F11: variants seen among roughly 807,000 people sequenced by gnomAD.
F11 encodes the protein coagualtion factor XI.
A neutral mutation model predicts 76.5 loss-of-function variants in F11; 78 were observed. That is an observed-to-expected ratio of 1.02 (90% CI 0.85 to 1.23). The LOEUF (loss-of-function observed/expected upper bound fraction) is 1.23. F11 is among the 50% of genes most tolerant of loss of function. The pLI is 0.00. For missense variants in F11, 742 were observed against 771.4 expected (o/e 0.96, Z 0.45); for synonymous variants, 278 against 276.3 (o/e 1.01, Z -0.06).
chr4:186,289,682 ATTTTT>A (rs11444909), downstream of F11, among the ~76,000 whole-genome samples: 2 of 137,738 alleles, frequency 1.5e-5, no homozygotes. Context: ...ATCAAGTGTG[ATTTTT>A]TTTTTTTTTT....
intron 3 of F11, among the ~76,000 whole-genome samples, chr4:186,272,550 C>T (rs547688157): frequency 7.2e-5 from 11 of 152,284 alleles, no homozygotes; most frequent in African/African-American, 2.4e-4. Flanking sequence ...ATTAAGTTTT[C>T]AACATCTTTA....
At chr4:186,272,967 T>A (rs991819511) in intron 3 of F11, 104 bp from the exon 4 acceptor site, 1 of 731,986 alleles carries the variant, frequency 1.4e-6, no homozygotes, top group Non-Finnish European at 2.4e-6. Flanking sequence ...TGAGATAAAG[T>A]AGTTTGTTTC....
Position 186,286,493 on chromosome 4 carries a change from G to C in F11, c.1559G>C (p.Gly520Ala), listed in dbSNP as rs796615398. 2 of 1,613,774 alleles carry C rather than the reference G, an allele frequency of 1.2e-6. No individual in the cohort carries two copies. Among genetic ancestry groups the C allele is most frequent in the East Asian group, 2.2e-5 (1 of 44,854 alleles). ...ACTGATTGCTGGGTGACTGGATGGGGGTACAGAAAACTAAGAGGTAAAAAT... is the reference window on the plus strand; with the variant it reads ...ACTGATTGCTGGGTGACTGGATGGGCGTACAGAAAACTAAGAGGTAAAAAT... ...IYTDCWVTGWGYRKLRDKIQN... is the reference protein window; with the variant it reads ...IYTDCWVTGWAYRKLRDKIQN... The change falls in exon 13 of 15, where the codon GGG becomes GCG. Residue 520 changes from glycine (G) to alanine (A), a missense_variant. Physicochemically the swap from Gly to Ala is moderately conservative, Grantham distance 60. Transcript: ENST00000403665.
intron 13 of F11, among the ~76,000 whole-genome samples, chr4:186,287,026 T>G (rs1022369863): frequency 6.6e-6 from 1 of 152,008 alleles, no homozygotes; most frequent in African/African-American, 2.4e-5. Flanking sequence ...CAGGCTGGAG[T>G]GCAGTGGCAC....
At chr4:186,281,273 ATT>A (rs1740783242) in intron 10 of F11, among the ~76,000 whole-genome samples, 1 of 152,196 alleles carries the variant, frequency 6.6e-6, no homozygotes, top group Non-Finnish European at 1.5e-5. Flanking sequence ...GGTTAGTCAA[ATT>A]ACTAATTTTC....
At chr4:186,268,721 A>C in intron 2 of F11, among the ~76,000 whole-genome samples, 1 of 152,218 alleles carries the variant, frequency 6.6e-6, no homozygotes, top group Non-Finnish European at 1.5e-5. Flanking sequence ...AGATGAAATC[A>C]CAATGGTAAT....
chr4:186,266,372 A>T (rs535271421), intron 1 of F11, 77 bp downstream of exon 1: 1 of 152,196 alleles, frequency 6.6e-6, no homozygotes, highest in Non-Finnish European at 1.5e-5. Flanking sequence ...AATCATAGGA[A>T]TTTAAAAACA....
chr4:186,272,495 T>C (rs1740054363), intron 3 of F11, among the ~76,000 whole-genome samples: 1 of 152,228 alleles, frequency 6.6e-6, no homozygotes, highest in Admixed American at 6.5e-5. Flanking sequence ...ACCATTTGTA[T>C]TCCCATCCTG....
intron 7 of F11, among the ~76,000 whole-genome samples, chr4:186,277,086 C>T (rs1740445288): frequency 6.6e-6 from 1 of 152,110 alleles, no homozygotes; most frequent in Admixed American, 6.5e-5. Context: ...TCTCCAATAG[C>T]TTTCATTCCA....
rs1445704703 is a variant in F11 at position 186,280,042 on chromosome 4, T to C, written c.786T>C (p.Ser262=). ...TTTGTCTCCTTAAAACATCTGAGAG[T>C]GGATTGCCCAGTACACGCATTAAAA... is the stretch of plus-strand genomic sequence containing the variant. ...RNLCLLKTSE[S]GLPSTRIKKS... Residue 262 remains serine (S), a synonymous_variant, in exon 8 of 15, where the codon AGT becomes AGC. Coordinates refer to ENST00000403665, the MANE Select transcript of F11 (RefSeq NM_000128.4). 6.2e-7 allele frequency: 1 copy of C among 1,614,030 alleles called. No individual in the cohort carries two copies. Among genetic ancestry groups the C allele is most frequent in the South Asian group, 1.1e-5 (1 of 91,074 alleles).
chr4:186,284,623 A>ATGTG (rs34783500), intron 11 of F11, among the ~76,000 whole-genome samples: 17,698 of 150,346 alleles, frequency 0.12, 1,301 homozygotes, highest in Middle Eastern at 0.18. Flanking sequence ...AATTTCTAAT[A>ATGTG]TGTGTGTGTG....
At position 186,288,735 on chromosome 4, in the gene F11, T is replaced by G. The variant is rs1323947832; in HGVS notation, c.*121T>G. 7 of 1,123,566 alleles carry G rather than the reference T, an allele frequency of 6.2e-6. No individual in the cohort carries two copies. The highest frequency in any genetic ancestry group is 7.9e-6 in the Non-Finnish European group (6 of 761,890). The allele number at this position is 1,123,566 out of a possible 1,614,324, so 69.6% of individuals were successfully genotyped here. A position where few individuals can be genotyped will look rare whatever the true frequency, so the allele number is the denominator to read the frequency against. On this transcript the variant is annotated 3_prime_UTR_variant, in exon 15 of 15. Transcript: ENST00000403665. Reference sequence around the variant, plus strand: ...ACACGCTGAAGGGGCTTGGTGTTTGTAAGAAAATGCTAGAAGAAAACAAAC... The same window carrying G: ...ACACGCTGAAGGGGCTTGGTGTTTGGAAGAAAATGCTAGAAGAAAACAAAC...
chr4:186,287,682 A>G lies in F11; in HGVS notation c.1577-2A>G. On this transcript the variant is annotated splice_acceptor_variant, in intron 13 of 14. Transcript: ENST00000403665. LOFTEE classifies it high-confidence loss of function. ...CAAACGAACCAAAAAAATTTTTTTC[A>G]GACAAAATACAAAATACTCTCCAGA... The G allele has an allele frequency of 1.2e-6, 2 of 1,608,776 alleles. No homozygotes were observed. Among genetic ancestry groups the G allele is most frequent in the Non-Finnish European group, 1.7e-6 (2 of 1,176,904 alleles).
intron 11 of F11, 60 bp downstream of exon 11, chr4:186,284,320 C>T: frequency 7.2e-7 from 1 of 1,385,044 alleles, no homozygotes; most frequent in South Asian, 1.2e-5. Context: ...AAAAATATTA[C>T]TAGCATGTTA....
At chr4:186,275,449 C>T (rs900754071) in intron 5 of F11, among the ~76,000 whole-genome samples, 8 of 152,194 alleles carry the variant, frequency 5.3e-5, no homozygotes, top group African/African-American at 1.4e-4. Flanking sequence ...GAGCCAAGAT[C>T]GTGCCATTGC....
intron 13 of F11, among the ~76,000 whole-genome samples, chr4:186,286,937 C>A (rs1268723633): frequency 6.6e-6 from 1 of 152,088 alleles, no homozygotes; most frequent in Non-Finnish European, 1.5e-5. Flanking sequence ...GTAAATCTAA[C>A]ATTTTTTCCT....
intron 12 of F11, 111 bp downstream of exon 12, chr4:186,285,924 T>C: frequency 8.4e-7 from 1 of 1,194,542 alleles, no homozygotes; most frequent in Non-Finnish European, 1.2e-6. Flanking sequence ...GTTATCATCA[T>C]GAAAGGGAGA....
rs377566180 is a variant in F11, at chr4:186,287,591, A to AAT, written c.1577-76_1577-75dup. On this transcript the variant is annotated intron_variant, in intron 13 of 14. Transcript: ENST00000403665. ...AGAAAGAGACTCCGTCTCAATTAAA[A>AAT]ATATATATATATATATATTTATATG... 25,507 of 416,766 alleles carry AAT rather than the reference A, an allele frequency of 0.061. 407 individuals carry two copies. Among genetic ancestry groups the AAT allele is most frequent in the Middle Eastern group, 0.08 (83 of 1,036 alleles). 25.8% of individuals were successfully genotyped at this position (416,766 alleles called of 1,614,324 possible).
chr4:186,279,970 G>T, intron 7 of F11, 42 bp from the exon 8 acceptor site: 1 of 1,453,640 alleles, frequency 6.9e-7, no homozygotes, highest in African/African-American at 1.4e-5. Context: ...GTTTTTATGT[G>T]TTTGATATGA....
Sources: gnomAD v4.1 joint callset for allele counts (sites outside exome capture counted in the v4.1 genomes callset) on GRCh38, gnomAD v4.1.1 for gene constraint, MANE v1.5 for transcripts, NCBI Gene and HGNC (gene_info 2026-07-23, HGNC 2026-07-21) for gene names.